The following MUC7 variants were observed in gnomAD, a reference collection of about 807,000 sequenced individuals.
The protein encoded by MUC7 is mucin-7.
Under a neutral mutation model 2.5 loss-of-function variants are expected in MUC7, and 2 were observed. The observed-to-expected ratio is 0.81, with a 90% CI of 0.33 to 2.55. The LOEUF (loss-of-function observed/expected upper bound fraction) is 2.55. Ranked by LOEUF, MUC7 falls within the 30% of genes most tolerant of loss-of-function variation. The probability of loss-of-function intolerance (pLI) is 0.11; values close to 1 mark genes in which losing one functional copy is unlikely to be tolerated. For missense variants in MUC7, 408 were observed against 455.6 expected (o/e 0.90, Z 0.95); for synonymous variants, 133 against 173.4 (o/e 0.77, Z 1.83).
Position 70,482,157 on chromosome 4 carries a change from A to G in MUC7, c.*279A>G, listed in dbSNP as rs972559648. On this transcript the variant is annotated 3_prime_UTR_variant, in exon 3 of 3. Coordinates refer to ENST00000304887, the MANE Select transcript of MUC7 (RefSeq NM_152291.3). ...GGGCAAAGAAAGTCCTTAGATAAAG[A>G]GAGAATATTGTATGGGCCATCAACC... 1.8e-5 allele frequency: 7 copies of G among 387,930 alleles called. No homozygotes were observed. Among genetic ancestry groups the G allele is most frequent in the Non-Finnish European group, 3.2e-5 (7 of 215,900 alleles). The allele number at this position is 387,930 out of a possible 1,614,324, so 24.0% of individuals were successfully genotyped here.
At chr4:70,447,598 T>C (rs1734177205) in intron 1 of MUC7, among the ~76,000 whole-genome samples, 1 of 152,172 alleles carries the variant, frequency 6.6e-6, no homozygotes, top group African/African-American at 2.4e-5. Flanking sequence ...TCAGACACTA[T>C]TTTAAAATTC....
chr4:70,437,334 T>C (rs1210167733), intron 1 of MUC7, among the ~76,000 whole-genome samples: 1 of 152,218 alleles, frequency 6.6e-6, no homozygotes, highest in Non-Finnish European at 1.5e-5. Context: ...GGCAGTAGCC[T>C]TGCTGAGCTG....
At chr4:70,436,951 A>G (rs1034076941) in intron 1 of MUC7, among the ~76,000 whole-genome samples, 4 of 152,158 alleles carry the variant, frequency 2.6e-5, no homozygotes, top group African/African-American at 7.2e-5. Flanking sequence ...TCTAACAGAC[A>G]GGCCCCTCAG....
Position 70,481,076 on chromosome 4 carries a change from T to A in MUC7, c.332T>A (p.Ile111Asn), listed in dbSNP as rs774052566. The change falls in exon 3 of 3, where the codon ATT (isoleucine) becomes AAT (asparagine). Residue 111 changes from isoleucine (I) to asparagine (N), a missense_variant. Ile to Asn is a moderately radical substitution (Grantham distance 149). This residue lies in a region of MUC7 where 225 missense variants were observed against 240.5 expected (regional missense o/e 0.94). Coordinates refer to ENST00000304887, the MANE Select transcript of MUC7 (RefSeq NM_152291.3). ...VNPTLVATTQ[I>N]PSVTFPSAST... is the part of the protein sequence containing the mutation. Reference sequence around the variant, plus strand: ...CCTACCTTAGTGGCTACAACCCAAATTCCATCTGTGACTTTCCCATCAGCT... The same window carrying A: ...CCTACCTTAGTGGCTACAACCCAAAATCCATCTGTGACTTTCCCATCAGCT... 6.2e-7 allele frequency: 1 copy of A among 1,614,062 alleles called. No homozygotes were observed. Among genetic ancestry groups the A allele is most frequent in the Non-Finnish European group, 8.5e-7 (1 of 1,180,000 alleles).
chr4:70,474,788 T>G (rs942290445), intron 2 of MUC7, among the ~76,000 whole-genome samples: 18 of 152,066 alleles, frequency 1.2e-4, no homozygotes, highest in African/African-American at 4.3e-4. Flanking sequence ...CATGACAGGA[T>G]TCTCAGGAGA....
chr4:70,447,267 G>A (rs1031232516), intron 1 of MUC7, among the ~76,000 whole-genome samples: 1 of 152,158 alleles, frequency 6.6e-6, no homozygotes, highest in Non-Finnish European at 1.5e-5. Flanking sequence ...TAACAATGAT[G>A]TCTTAAAGGA....
At position 70,481,944 on chromosome 4, in the gene MUC7, C is replaced by T; in HGVS notation, c.*66C>T. 6.5e-7 allele frequency: 1 copy of T among 1,527,572 alleles called. No homozygotes were observed. Among genetic ancestry groups the T allele is most frequent in the Non-Finnish European group, 8.8e-7 (1 of 1,133,284 alleles). The allele number at this position is 1,527,572 out of a possible 1,614,324, so 94.6% of individuals were successfully genotyped here. ...TGATTCATGAGTGCAGAACTACCAC[C>T]TTTCTTTTAGCACCAATCCCAACAT... On this transcript the variant is annotated 3_prime_UTR_variant, in exon 3 of 3. Coordinates refer to ENST00000304887, the MANE Select transcript of MUC7 (RefSeq NM_152291.3).
At chr4:70,459,068 T>C (rs1005538409) in intron 1 of MUC7, among the ~76,000 whole-genome samples, 2 of 152,066 alleles carry the variant, frequency 1.3e-5, no homozygotes, top group African/African-American at 4.8e-5. Context: ...AATTGATAAT[T>C]CCAAATCCAG....
intron 2 of MUC7, among the ~76,000 whole-genome samples, chr4:70,479,287 C>T (rs1380015251): frequency 2.0e-5 from 3 of 152,180 alleles, no homozygotes; most frequent in African/African-American, 7.2e-5. Flanking sequence ...ATCACATGAG[C>T]CTCACGATGG....
At chr4:70,473,422 C>T (rs1484706943) in intron 1 of MUC7, among the ~76,000 whole-genome samples, 2 of 142,098 alleles carry the variant, frequency 1.4e-5, no homozygotes, top group South Asian at 4.5e-4. Context: ...CCAGCCTGGA[C>T]AACAGAGCGA....
intron 2 of MUC7, among the ~76,000 whole-genome samples, chr4:70,480,008 G>T (rs1577917631): frequency 6.6e-6 from 1 of 152,164 alleles, no homozygotes; most frequent in East Asian, 1.9e-4. Context: ...CTTTCAGCAG[G>T]TGTATTGATA....
chr4:70,438,274 T>C (rs1230930158), intron 1 of MUC7, among the ~76,000 whole-genome samples: 3 of 152,204 alleles, frequency 2.0e-5, no homozygotes, highest in South Asian at 2.1e-4. Context: ...TGCAATATAA[T>C]AAACTGCATT....
At chr4:70,431,618 G>C (rs1577894131) in intron 1 of MUC7, among the ~76,000 whole-genome samples, 1 of 152,242 alleles carries the variant, frequency 6.6e-6, no homozygotes, top group East Asian at 1.9e-4. Flanking sequence ...TTAATCAGTT[G>C]TAGTTTTCAT....
intron 1 of MUC7, among the ~76,000 whole-genome samples, chr4:70,439,616 GTGTTA>G (rs1324219425): frequency 3.3e-5 from 5 of 151,884 alleles, no homozygotes; most frequent in Admixed American, 6.6e-5. Context: ...TTATCTTAAA[GTGTTA>G]TGTTATGATT....
At chr4:70,453,956 A>C (rs968421635) in intron 1 of MUC7, among the ~76,000 whole-genome samples, 12 of 152,122 alleles carry the variant, frequency 7.9e-5, no homozygotes, top group African/African-American at 2.9e-4. Context: ...TAGATCCTAG[A>C]ATGGGGGCCT....
intron 1 of MUC7, among the ~76,000 whole-genome samples, chr4:70,455,455 C>T (rs1455548334): frequency 1.3e-5 from 2 of 152,046 alleles, no homozygotes; most frequent in Non-Finnish European, 2.9e-5. Context: ...TGTTTAATTT[C>T]CTAATCACTC....
intron 1 of MUC7, among the ~76,000 whole-genome samples, chr4:70,451,008 C>G (rs1190246951): frequency 6.6e-6 from 1 of 152,128 alleles, no homozygotes; most frequent in Non-Finnish European, 1.5e-5. Context: ...GCTGGTTCAC[C>G]ACTAGGACTG....
chr4:70,464,253 C>A (rs1734626038), intron 1 of MUC7, among the ~76,000 whole-genome samples: 1 of 152,208 alleles, frequency 6.6e-6, no homozygotes, highest in Non-Finnish European at 1.5e-5. Context: ...TCACAACCAG[C>A]AGACAAGAAG....
chr4:70,480,977 C>T lies in MUC7; in HGVS notation c.233C>T (p.Pro78Leu). Residue 78 changes from proline (P) to leucine (L), a missense_variant, in exon 3 of 3, where the codon CCT (proline) becomes CTT (leucine). By Grantham distance (98) the Pro-to-Leu change is moderately conservative. This residue lies in a region of MUC7 where 225 missense variants were observed against 240.5 expected (regional missense o/e 0.94). Coordinates refer to ENST00000304887, the MANE Select transcript of MUC7 (RefSeq NM_152291.3). ...KRCRPKLPPSPNNPPKFPNPH... is the reference protein window; with the variant it reads ...KRCRPKLPPSLNNPPKFPNPH... ...TGTAGGCCTAAGCTTCCACCTTCAC[C>T]TAATAACCCCCCCAAATTCCCAAAT... 1.2e-6 allele frequency: 2 copies of T among 1,614,068 alleles called. No individual in the cohort carries two copies. Among genetic ancestry groups the T allele is most frequent in the South Asian group, 1.1e-5 (1 of 91,070 alleles).
Sources: gnomAD v4.1 joint callset for allele counts (sites outside exome capture counted in the v4.1 genomes callset) on GRCh38, gnomAD v4.1.1 for gene constraint, gnomAD v4.1.1 regional missense constraint, MANE v1.5 for transcripts, NCBI Gene and HGNC (gene_info 2026-07-23, HGNC 2026-07-21) for gene names.